PROS1: variants seen among roughly 807,000 people sequenced by gnomAD.
PROS1 encodes the protein vitamin K-dependent protein S.
Under a neutral mutation model 75.9 loss-of-function variants are expected in PROS1, and 29 were observed. That is an observed-to-expected ratio of 0.38 (90% confidence interval 0.28 to 0.52). The LOEUF is 0.52. PROS1 is among the 20% of genes least tolerant of loss of function. The pLI is 0.83. For missense variants in PROS1, 680 were observed against 810.3 expected (o/e 0.84, Z 1.95); for synonymous variants, 245 against 280.6 (o/e 0.87, Z 1.27).
chr3:93,899,150 T>G (rs1258357482), intron 7 of PROS1, among the ~76,000 whole-genome samples: 3 of 148,438 alleles, frequency 2.0e-5, no homozygotes, highest in Non-Finnish European at 4.5e-5. Context: ...AAATATCTGT[T>G]TTTTTTTTTT....
rs573922629 is a variant in PROS1 at position 93,937,303 on chromosome 3, T to G, written c.77-9896A>C. 2.6e-5 allele frequency among the ~76,000 whole-genome samples: 4 copies of G among 152,206 alleles called. No individual in the cohort carries two copies. The South Asian group carries it at 8.3e-4, about 32-fold the overall frequency. ...TTGAAACAGAACAGAGCAGGGAGTT[T>G]CACAGTGTTCTTTTACACAATGCCG... On this transcript the variant is annotated intron_variant, in intron 1 of 14. Coordinates refer to ENST00000394236, the MANE Select transcript of PROS1 (RefSeq NM_000313.4).
chr3:93,920,535 C>A (rs1227237354), intron 3 of PROS1, among the ~76,000 whole-genome samples: 1 of 152,002 alleles, frequency 6.6e-6, no homozygotes, highest in East Asian at 1.9e-4. Flanking sequence ...TATCTAAATA[C>A]CTTATGTGTT....
At chr3:93,939,772 G>T (rs909722508) in intron 1 of PROS1, among the ~76,000 whole-genome samples, 75 of 151,738 alleles carry the variant, frequency 4.9e-4, no homozygotes, top group Admixed American at 3.4e-3. Context: ...GACCCTAAAA[G>T]GTCAGAAAGC....
At chr3:93,893,725 G>A (rs925534121) in intron 9 of PROS1, among the ~76,000 whole-genome samples, 9 of 152,176 alleles carry the variant, frequency 5.9e-5, no homozygotes, top group Non-Finnish European at 1.3e-4. Flanking sequence ...TGTGTGGTAA[G>A]AAAGGTAAAA....
At chr3:93,887,745 A>G (rs1708371085) in intron 10 of PROS1, among the ~76,000 whole-genome samples, 1 of 152,170 alleles carries the variant, frequency 6.6e-6, no homozygotes, top group Admixed American at 6.5e-5. Context: ...ACTACTTCTC[A>G]GTCTCCTTTG....
intron 1 of PROS1, among the ~76,000 whole-genome samples, chr3:93,936,088 C>T (rs2107217075): frequency 6.7e-6 from 1 of 148,714 alleles, no homozygotes; most frequent in Non-Finnish European, 1.5e-5. Flanking sequence ...GTCCCCATCT[C>T]CCCCCCACAC....
chr3:93,944,690 C>A (rs932554249), intron 1 of PROS1, among the ~76,000 whole-genome samples: 3 of 152,050 alleles, frequency 2.0e-5, no homozygotes, highest in Non-Finnish European at 4.4e-5. Context: ...ACTAAATGCC[C>A]ACAAGAGAAA....
At chr3:93,964,260 G>A (rs1709752970) in intron 1 of PROS1, among the ~76,000 whole-genome samples, 1 of 152,098 alleles carries the variant, frequency 6.6e-6, no homozygotes, top group Non-Finnish European at 1.5e-5. Flanking sequence ...TGCGGGGTTG[G>A]GCAAAAACAG....
chr3:93,969,053 GAGAAAGGCA>G (rs1709831197), intron 1 of PROS1, among the ~76,000 whole-genome samples: 1 of 151,366 alleles, frequency 6.6e-6, no homozygotes, highest in South Asian at 2.1e-4. Flanking sequence ...AACCAAGGGA[GAGAAAGGCA>G]AGCCCTAAAA....
chr3:93,876,717 A>T (rs893750101), intron 14 of PROS1, among the ~76,000 whole-genome samples: 1 of 152,042 alleles, frequency 6.6e-6, no homozygotes, highest in Non-Finnish European at 1.5e-5. Flanking sequence ...AAATAAAATA[A>T]CATATCCTTT....
intron 12 of PROS1, among the ~76,000 whole-genome samples, chr3:93,881,574 T>TG (rs1708276621): frequency 6.6e-6 from 1 of 150,684 alleles, no homozygotes; most frequent in East Asian, 1.9e-4. Context: ...TTTTTTTTTT[T>TG]TGTGAGACAT....
At position 93,973,852 on chromosome 3, in the gene PROS1, C is replaced by T. The variant is rs1372151110; in HGVS notation, c.-103G>A. The T allele has an allele frequency of 7.4e-6, 7 of 940,574 alleles. No homozygotes were observed. In the East Asian group the frequency reaches 2.4e-4, roughly 33 times the overall value. The allele number at this position is 940,574 out of a possible 1,614,324, so 58.3% of individuals were successfully genotyped here. Reference sequence around the variant, plus strand: ...CGAGCCTGTGCGCCTCGGTCTGAGCCGTGCTGCGCGGCGGCGCCAGCGACC... The same window carrying T: ...CGAGCCTGTGCGCCTCGGTCTGAGCTGTGCTGCGCGGCGGCGCCAGCGACC... On this transcript the variant is annotated 5_prime_UTR_variant, in exon 1 of 15. Transcript: ENST00000394236.
chr3:93,891,327 A>G (rs1708428055), intron 10 of PROS1, among the ~76,000 whole-genome samples: 1 of 152,184 alleles, frequency 6.6e-6, no homozygotes, highest in South Asian at 2.1e-4. Context: ...TAATCCCTTC[A>G]GAAAAGTCCC....
intron 1 of PROS1, among the ~76,000 whole-genome samples, chr3:93,940,182 A>C (rs1043152376): frequency 4.6e-5 from 7 of 151,838 alleles, no homozygotes; most frequent in African/African-American, 1.7e-4. Flanking sequence ...GGACAGTCCA[A>C]CTCACCCATC....
At chr3:93,970,873 A>T (rs1709869515) in intron 1 of PROS1, among the ~76,000 whole-genome samples, 1 of 152,142 alleles carries the variant, frequency 6.6e-6, no homozygotes, top group Non-Finnish European at 1.5e-5. Context: ...GGTGGTGCAT[A>T]CCTACAGTCC....
chr3:93,960,870 A>G (rs1476881813), intron 1 of PROS1, among the ~76,000 whole-genome samples: 1 of 151,940 alleles, frequency 6.6e-6, no homozygotes, highest in African/African-American at 2.4e-5. Flanking sequence ...AAGTAAAAAC[A>G]CATAGATAAA....
intron 4 of PROS1, among the ~76,000 whole-genome samples, chr3:93,909,451 A>G (rs1319241566): frequency 2.0e-5 from 3 of 151,952 alleles, no homozygotes; most frequent in African/African-American, 7.2e-5. Context: ...AAAAAAAAAA[A>G]AAAACGTACA....
intron 1 of PROS1, among the ~76,000 whole-genome samples, chr3:93,956,870 C>T (rs1709611801): frequency 6.6e-6 from 1 of 152,066 alleles, no homozygotes; most frequent in Non-Finnish European, 1.5e-5. Context: ...GAACAAGACA[C>T]CCTTTAAATC....
intron 1 of PROS1, among the ~76,000 whole-genome samples, chr3:93,950,046 G>T (rs1242010146): frequency 6.6e-6 from 1 of 152,150 alleles, no homozygotes; most frequent in South Asian, 2.1e-4. Context: ...CCCGCCCATG[G>T]CTCGGAGGGT....
Sources: gnomAD v4.1 joint callset for allele counts (sites outside exome capture counted in the v4.1 genomes callset) on GRCh38, gnomAD v4.1.1 for gene constraint, MANE v1.5 for transcripts, NCBI Gene and HGNC (gene_info 2026-07-23, HGNC 2026-07-21) for gene names.